Variants in KCNK2 observed in about 807,000 individuals in gnomAD.
KCNK2 encodes the protein potassium channel subfamily K member 2.
A neutral mutation model predicts 40.5 loss-of-function variants in KCNK2; 21 were observed. That is an observed-to-expected ratio of 0.52 (90% confidence interval 0.37 to 0.75). The LOEUF (loss-of-function observed/expected upper bound fraction) is 0.75, where lower values mean the gene tolerates loss of function less well. Among genes scored for constraint, KCNK2 ranks in the 30% least tolerant of loss-of-function variants. The probability of loss-of-function intolerance (pLI) is 0.00; values close to 1 mark genes in which losing one functional copy is unlikely to be tolerated. For synonymous variants in KCNK2, 191 were observed against 202.2 expected (o/e 0.94, Z 0.47); for missense variants, 399 against 531.6 (o/e 0.75, Z 2.45).
intron 3 of KCNK2, among the ~76,000 whole-genome samples, chr1:215,165,508 C>A (rs1447951619): frequency 6.6e-6 from 1 of 152,166 alleles, no homozygotes; most frequent in Non-Finnish European, 1.5e-5. Flanking sequence ...GCTAAATACA[C>A]TGATCCTCTA....
At chr1:215,084,601 T>C (rs527438920) in intron 1 of KCNK2, among the ~76,000 whole-genome samples, 1 of 152,336 alleles carries the variant, frequency 6.6e-6, no homozygotes, top group South Asian at 2.1e-4. Context: ...TTTTAACAGT[T>C]TTTTTTAATT....
At chr1:215,168,755 G>A (rs1057142551) in intron 3 of KCNK2, among the ~76,000 whole-genome samples, 1 of 151,872 alleles carries the variant, frequency 6.6e-6, no homozygotes, top group Non-Finnish European at 1.5e-5. Context: ...AATGTATGCA[G>A]GGCTTAAAAC....
chr1:215,007,025 A>ATGTG (rs1164769909), intron 1 of KCNK2, among the ~76,000 whole-genome samples: 529 of 31,934 alleles, frequency 0.017, 12 homozygotes, highest in African/African-American at 0.032. Context: ...ATATATATAT[A>ATGTG]TATATATATA....
chr1:215,099,567 A>G (rs564057385), intron 2 of KCNK2, among the ~76,000 whole-genome samples: 1 of 152,058 alleles, frequency 6.6e-6, no homozygotes, highest in East Asian at 1.9e-4. Context: ...TTGTAGAAGT[A>G]TAATGTGTAA....
At chr1:215,182,589 C>T (rs1424079471) in intron 5 of KCNK2, among the ~76,000 whole-genome samples, 1 of 152,146 alleles carries the variant, frequency 6.6e-6, no homozygotes, top group Non-Finnish European at 1.5e-5. Flanking sequence ...ATTCCCCACC[C>T]TACCCAGGCC....
intron 1 of KCNK2, among the ~76,000 whole-genome samples, chr1:215,015,611 TGCTCCCA>T (rs1377032580): frequency 6.6e-6 from 1 of 152,122 alleles, no homozygotes; most frequent in Non-Finnish European, 1.5e-5. Flanking sequence ...CAGAGACGTG[TGCTCCCA>T]GCATCATTTT....
At chr1:215,152,059 C>T (rs1158430811) in intron 3 of KCNK2, among the ~76,000 whole-genome samples, 1 of 152,080 alleles carries the variant, frequency 6.6e-6, no homozygotes, top group Non-Finnish European at 1.5e-5. Context: ...GTTCACACTC[C>T]TTTAACTCCT....
intron 5 of KCNK2, among the ~76,000 whole-genome samples, chr1:215,176,699 T>C (rs965328432): frequency 2.6e-5 from 4 of 152,208 alleles, no homozygotes; most frequent in Non-Finnish European, 4.4e-5. Context: ...TAGTATTCCA[T>C]GGTATATATG....
At chr1:215,148,707 C>T (rs1027013607) in intron 3 of KCNK2, among the ~76,000 whole-genome samples, 3 of 152,090 alleles carry the variant, frequency 2.0e-5, no homozygotes, top group Admixed American at 2.0e-4. Flanking sequence ...GATGAGAGTT[C>T]ACGTTAGAGT....
chr1:215,215,369 C>T (rs575143897), intron 6 of KCNK2, among the ~76,000 whole-genome samples: 3 of 151,876 alleles, frequency 2.0e-5, no homozygotes, highest in Non-Finnish European at 4.4e-5. Context: ...AATAACTAGA[C>T]CAAGGTTTAA....
intron 3 of KCNK2, among the ~76,000 whole-genome samples, chr1:215,162,008 T>A (rs1295846664): frequency 1.3e-5 from 2 of 152,202 alleles, no homozygotes; most frequent in African/African-American, 4.8e-5. Flanking sequence ...CCACATTGTC[T>A]TCCACGATGG....
intron 3 of KCNK2, among the ~76,000 whole-genome samples, chr1:215,132,560 A>C (rs1373072827): frequency 6.6e-6 from 1 of 152,196 alleles, no homozygotes; most frequent in Admixed American, 6.6e-5. Context: ...AAAGTAGATG[A>C]TTATTTTTCC....
intron 6 of KCNK2, among the ~76,000 whole-genome samples, chr1:215,195,593 C>T (rs1027680717): frequency 7.2e-5 from 11 of 152,048 alleles, no homozygotes; most frequent in South Asian, 4.2e-4. Context: ...GCATTATGGC[C>T]GTTTTCCCTG....
chr1:215,032,961 C>A (rs146289389), intron 1 of KCNK2, among the ~76,000 whole-genome samples: 6 of 151,890 alleles, frequency 4.0e-5, no homozygotes, highest in African/African-American at 1.5e-4. Flanking sequence ...TCCTTTCTTT[C>A]TTTATTCTTC....
intron 1 of KCNK2, among the ~76,000 whole-genome samples, chr1:215,064,436 G>T (rs1299936524): frequency 6.6e-6 from 1 of 152,050 alleles, no homozygotes; most frequent in African/African-American, 2.4e-5. Context: ...TTTAGAAACT[G>T]CCCAAGTCCT....
At chr1:215,075,181 GTTTACA>G (rs1658884897) in intron 1 of KCNK2, among the ~76,000 whole-genome samples, 1 of 152,064 alleles carries the variant, frequency 6.6e-6, no homozygotes, top group South Asian at 2.1e-4. Flanking sequence ...AAAGACCATT[GTTTACA>G]TTTAAAAACT....
intron 2 of KCNK2, among the ~76,000 whole-genome samples, chr1:215,098,321 T>C (rs926249491): frequency 6.6e-6 from 1 of 151,930 alleles, no homozygotes; most frequent in Non-Finnish European, 1.5e-5. Flanking sequence ...TGTTTAATTA[T>C]GTCCTTAGGC....
intron 6 of KCNK2, among the ~76,000 whole-genome samples, chr1:215,196,678 G>A (rs1387098178): frequency 2.0e-5 from 3 of 152,214 alleles, no homozygotes; most frequent in Admixed American, 2.0e-4. Context: ...TGTGGTGTGC[G>A]TGTGTGAGTG....
intron 5 of KCNK2, among the ~76,000 whole-genome samples, chr1:215,175,940 G>A (rs1663948533): frequency 6.6e-6 from 1 of 151,994 alleles, no homozygotes; most frequent in Admixed American, 6.6e-5. Context: ...TGGCTATTGT[G>A]AATAGGGCTC....
Sources: gnomAD v4.1 joint callset for allele counts (sites outside exome capture counted in the v4.1 genomes callset) on GRCh38, gnomAD v4.1.1 for gene constraint, MANE v1.5 for transcripts, NCBI Gene and HGNC (gene_info 2026-07-23, HGNC 2026-07-21) for gene names.